Variants in DUSP29 observed in about 807,000 individuals in gnomAD.
DUSP29 encodes the protein atypical dual-specific protein phosphatase.
DUSP29 carries 12 observed loss-of-function variants against 13.5 expected under a neutral mutation model. That is an observed-to-expected ratio of 0.89 (90% CI 0.57 to 1.44). DUSP29 has a LOEUF of 1.44. Among genes scored for constraint, DUSP29 ranks in the 40% most tolerant of loss-of-function variants. The pLI, the probability that DUSP29 is intolerant of heterozygous loss-of-function variation, is 0.00. For synonymous variants in DUSP29, 134 were observed against 128.7 expected (o/e 1.04, Z -0.28); for missense variants, 308 against 301.1 (o/e 1.02, Z -0.17).
chr10:75,045,292 C>T (rs1324551007), intron 2 of DUSP29, among the ~76,000 whole-genome samples: 3 of 152,206 alleles, frequency 2.0e-5, no homozygotes, highest in South Asian at 2.1e-4. Flanking sequence ...ATCGCTTGAA[C>T]CCAGGAAGTG....
chr10:75,042,194 T>G (rs1262967935), intron 3 of DUSP29, among the ~76,000 whole-genome samples: 2 of 152,256 alleles, frequency 1.3e-5, no homozygotes, highest in African/African-American at 4.8e-5. Flanking sequence ...AATATTTTTA[T>G]CACCGGATGG....
At chr10:75,063,669 T>C (rs1847136506) in intron 1 of DUSP29, among the ~76,000 whole-genome samples, 1 of 151,970 alleles carries the variant, frequency 6.6e-6, no homozygotes, top group African/African-American at 2.4e-5. Flanking sequence ...TCCTCCCTCT[T>C]GGGTGCTCTG....
At chr10:75,041,015 C>G (rs1196192928) in intron 3 of DUSP29, among the ~76,000 whole-genome samples, 6 of 152,160 alleles carry the variant, frequency 3.9e-5, no homozygotes, top group Non-Finnish European at 8.8e-5. Flanking sequence ...TGAAACCAGT[C>G]AATGAGAACA....
chr10:75,039,899 G>T (rs1282273246), intron 3 of DUSP29, among the ~76,000 whole-genome samples: 1 of 152,188 alleles, frequency 6.6e-6, no homozygotes, highest in Non-Finnish European at 1.5e-5. Flanking sequence ...GTGAAAATCG[G>T]CTGGGCGTGG....
intron 1 of DUSP29, among the ~76,000 whole-genome samples, chr10:75,070,857 T>C (rs142372156): frequency 6.1e-4 from 93 of 152,240 alleles, no homozygotes; most frequent in African/African-American, 2.2e-3. Flanking sequence ...CTCGTTACTG[T>C]GGAACGGGTA....
intron 3 of DUSP29, among the ~76,000 whole-genome samples, chr10:75,041,644 G>C (rs1372306207): frequency 6.6e-6 from 1 of 152,208 alleles, no homozygotes; most frequent in Non-Finnish European, 1.5e-5. Flanking sequence ...AAGGTGCTGA[G>C]AGCAGAGCCT....
intron 1 of DUSP29, among the ~76,000 whole-genome samples, chr10:75,067,862 G>A (rs983096594): frequency 4.6e-5 from 7 of 152,032 alleles, no homozygotes; most frequent in Non-Finnish European, 1.5e-5. Flanking sequence ...GCCCAGGCTG[G>A]AGTAAAATGG....
At chr10:75,059,319 G>A (rs1847036719) in intron 1 of DUSP29, among the ~76,000 whole-genome samples, 1 of 152,178 alleles carries the variant, frequency 6.6e-6, no homozygotes, top group Non-Finnish European at 1.5e-5. Flanking sequence ...CCCAAGGAGA[G>A]GAATTTGCAG....
chr10:75,055,913 G>T (rs1473239911), intron 2 of DUSP29, among the ~76,000 whole-genome samples: 4 of 152,048 alleles, frequency 2.6e-5, no homozygotes, highest in African/African-American at 9.7e-5. Flanking sequence ...ATAGTATGGG[G>T]TTTTGTTTGT....
At chr10:75,068,502 G>A (rs905390896) in intron 1 of DUSP29, among the ~76,000 whole-genome samples, 2 of 152,092 alleles carry the variant, frequency 1.3e-5, no homozygotes, top group Non-Finnish European at 2.9e-5. Context: ...CTCTCCCTTC[G>A]AAGGCATTCT....
At chr10:75,040,813 G>A (rs760560866) in intron 3 of DUSP29, among the ~76,000 whole-genome samples, 5 of 152,216 alleles carry the variant, frequency 3.3e-5, no homozygotes, top group African/African-American at 9.6e-5. Flanking sequence ...TTATCTCCGA[G>A]ATATTTTAAG....
chr10:75,045,772 T>G (rs1213745326), intron 2 of DUSP29, among the ~76,000 whole-genome samples: 2 of 152,230 alleles, frequency 1.3e-5, no homozygotes, highest in Admixed American at 6.5e-5. Context: ...GGTGGAAGTC[T>G]GCTAGAGGAT....
chr10:75,038,027 C>A lies in DUSP29; in HGVS notation c.472G>T (p.Val158Phe), dbSNP rs1846502158. 1.9e-6 allele frequency: 3 copies of A among 1,613,894 alleles called. No homozygotes were observed. The highest frequency in any genetic ancestry group is 2.5e-6 in the Non-Finnish European group (3 of 1,180,018). ...VMGRSRSATL[V>F]LAYLMIHKDM... ...TTGTGGATCATCAGGTAGGCCAGGA[C>A]CAGGGTGGCTGACCGGCTGCGGCCC... The change falls in exon 4 of 4, where the codon GTC becomes TTC. Residue 158 changes from valine to phenylalanine, a missense_variant. Val to Phe is a conservative substitution (Grantham distance 50). Coordinates refer to ENST00000338487, the MANE Select transcript of DUSP29 (RefSeq NM_001003892.3).
intron 1 of DUSP29, among the ~76,000 whole-genome samples, chr10:75,065,877 TTTA>T (rs1847192052): frequency 7.7e-6 from 1 of 129,810 alleles, no homozygotes; most frequent in African/African-American, 3.5e-5. Context: ...ATTATTATCA[TTTA>T]TTTTATTTTA....
Position 75,037,867 on chromosome 10 carries a change from T to A in DUSP29, c.632A>T (p.Asp211Val). ...CTCCCTGCCATCCTCCTCCTCACCG[T>A]CCTGGCGCTGGGACCGTCGCCTCTG... Reference protein sequence around the residue: ...VQQRRRSQRQDGEEEDGREL With the variant: ...VQQRRRSQRQVGEEEDGREL The change falls in exon 4 of 4, where the codon GAC (aspartate) becomes GTC (valine). Residue 211 changes from aspartate to valine, a missense_variant. Coordinates refer to ENST00000338487, the MANE Select transcript of DUSP29 (RefSeq NM_001003892.3). 6.2e-7 allele frequency: 1 copy of A among 1,611,328 alleles called. No homozygotes were observed. Among genetic ancestry groups the A allele is most frequent in the Non-Finnish European group, 8.5e-7 (1 of 1,179,040 alleles).
At chr10:75,062,274 G>C (rs531307330) in intron 1 of DUSP29, among the ~76,000 whole-genome samples, 7 of 152,314 alleles carry the variant, frequency 4.6e-5, no homozygotes, top group Admixed American at 3.9e-4. Flanking sequence ...TACACCTAAA[G>C]GTGGTTTAGG....
intron 2 of DUSP29, among the ~76,000 whole-genome samples, chr10:75,048,543 G>A (rs182451811): frequency 9.2e-5 from 14 of 152,120 alleles, no homozygotes; most frequent in Admixed American, 3.9e-4. Flanking sequence ...GAGATTACAC[G>A]TGTGTGCCAC....
intron 1 of DUSP29, among the ~76,000 whole-genome samples, chr10:75,068,533 A>T (rs1216103962): frequency 6.6e-6 from 1 of 152,094 alleles, no homozygotes; most frequent in South Asian, 2.1e-4. Flanking sequence ...CTGTGTGTAG[A>T]TCCATTGCAT....
intron 1 of DUSP29, among the ~76,000 whole-genome samples, chr10:75,070,065 AGAAGAAAGGAAGGAAGGAAG>A (rs1463535478): frequency 8.9e-5 from 12 of 134,654 alleles, no homozygotes; most frequent in African/African-American, 1.7e-4. Flanking sequence ...AAAGAAAGAA[AGAAGAAAGGAAGGAAGGAAG>A]GAAGGAAGGA....
Sources: gnomAD v4.1 joint callset for allele counts (sites outside exome capture counted in the v4.1 genomes callset) on GRCh38, gnomAD v4.1.1 for gene constraint, MANE v1.5 for transcripts, NCBI Gene and HGNC (gene_info 2026-07-23, HGNC 2026-07-21) for gene names.